TUB: variants seen among roughly 807,000 people sequenced by gnomAD.
The protein encoded by TUB is tubby protein homolog.
TUB carries 33 observed loss-of-function variants against 59.7 expected under a neutral mutation model. The ratio of observed to expected loss-of-function variants is 0.55; its 90% CI spans 0.42 to 0.74. The LOEUF is 0.74. Ranked by LOEUF, TUB falls within the 30% of genes least tolerant of loss-of-function variation. The pLI, the probability that TUB is intolerant of heterozygous loss-of-function variation, is 0.00. For synonymous variants in TUB, 293 were observed against 256.4 expected (o/e 1.14, Z -1.36); for missense variants, 659 against 672.0 (o/e 0.98, Z 0.21).
intron 1 of TUB, among the ~76,000 whole-genome samples, chr11:8,025,047 A>G (rs1443613121): frequency 6.6e-6 from 1 of 152,238 alleles, no homozygotes; most frequent in African/African-American, 2.4e-5. Flanking sequence ...CATTTACTGA[A>G]CACCTTCTAA....
intron 8 of TUB, 68 bp from the exon 9 acceptor site, chr11:8,098,690 A>C: frequency 8.1e-7 from 1 of 1,229,602 alleles, no homozygotes. Context: ...CATAGGACAG[A>C]CGATGAGCTG....
At chr11:8,090,468 C>T (rs1202391930) in intron 3 of TUB, among the ~76,000 whole-genome samples, 1 of 152,234 alleles carries the variant, frequency 6.6e-6, no homozygotes, top group Non-Finnish European at 1.5e-5. Flanking sequence ...GAAGCCTAAA[C>T]CTTTTATGAG....
intron 1 of TUB, among the ~76,000 whole-genome samples, chr11:8,084,390 T>G (rs1943627439): frequency 1.3e-5 from 2 of 152,240 alleles, no homozygotes. Flanking sequence ...TTTCTGTTAG[T>G]ACTAATAATT....
intron 1 of TUB, among the ~76,000 whole-genome samples, chr11:8,024,901 C>T (rs1468485576): frequency 6.6e-6 from 1 of 152,240 alleles, no homozygotes; most frequent in Non-Finnish European, 1.5e-5. Flanking sequence ...ATTTTGGGGT[C>T]AAAGTGACCT....
intron 1 of TUB, among the ~76,000 whole-genome samples, chr11:8,025,013 A>G (rs1358852935): frequency 6.6e-6 from 1 of 152,244 alleles, no homozygotes; most frequent in Non-Finnish European, 1.5e-5. Context: ...CTACGTCTTA[A>G]GGTGGGTCCA....
intron 1 of TUB, among the ~76,000 whole-genome samples, chr11:8,020,370 C>T (rs147242160): frequency 3.3e-4 from 51 of 152,276 alleles, no homozygotes; most frequent in African/African-American, 1.2e-3. Context: ...AAAAACCTCC[C>T]TGCATCTTCG....
At chr11:8,025,303 A>AG (rs1170986271) in intron 1 of TUB, among the ~76,000 whole-genome samples, 2 of 152,004 alleles carry the variant, frequency 1.3e-5, no homozygotes, top group African/African-American at 4.8e-5. Context: ...AACTCTGAGG[A>AG]GGGGGTATTT....
chr11:8,038,987 C>T lies in TUB; in HGVS notation c.114C>T (p.His38=), dbSNP rs1942694329. ...TGGGATCTCAGCATTCAAAGCAGCACAGGAAACCTGGGCCCCTGAAACGGG... is the reference window on the plus strand; with the variant it reads ...TGGGATCTCAGCATTCAAAGCAGCATAGGAAACCTGGGCCCCTGAAACGGG... The change falls in exon 1 of 13, where the codon CAC becomes CAT. Residue 38 remains histidine, a synonymous_variant. Transcript: ENST00000305253. The T allele has an allele frequency of 2.5e-6, 4 of 1,613,868 alleles. No individual in the cohort carries two copies. In the South Asian group the frequency reaches 3.3e-5, roughly 13 times the overall value.
At chr11:8,046,454 A>G (rs1942834751) in intron 2 of TUB, among the ~76,000 whole-genome samples, 2 of 152,024 alleles carry the variant, frequency 1.3e-5, no homozygotes, top group South Asian at 4.2e-4. Context: ...TCTCTCACCA[A>G]CCTGTCCCTC....
At chr11:8,095,351 A>G in intron 4 of TUB, 147 bp from the exon 5 acceptor site, 3 of 737,918 alleles carry the variant, frequency 4.1e-6, no homozygotes, top group Non-Finnish European at 6.5e-6. Flanking sequence ...GGCTGGTGCA[A>G]TCATTAGTTT....
At position 8,103,389 on chromosome 11, in the gene TUB, A is replaced by C. The variant is rs1944389612; in HGVS notation, c.*1770A>C. On this transcript the variant is annotated 3_prime_UTR_variant, in exon 12 of 12. Coordinates refer to ENST00000299506, the MANE Select transcript of TUB (RefSeq NM_177972.3). The stretch of plus-strand genomic sequence containing the variant: ...TAGATGTTTGGAAAAGCTAAGTAGA[A>C]ATTTTTTAAAATAGAAGTTGTATTT... The C allele has an allele frequency of 6.6e-6, 1 of 152,186 alleles. No homozygotes were observed. Among genetic ancestry groups the C allele is most frequent in the Non-Finnish European group, 1.5e-5 (1 of 68,042 alleles). The allele number at this position is 152,186 out of a possible 1,614,324, so 9.4% of individuals were successfully genotyped here.
intron 2 of TUB, 36 bp from the exon 3 acceptor site, chr11:8,090,033 G>C (rs374866181): frequency 1.9e-5 from 30 of 1,550,890 alleles, no homozygotes; most frequent in Non-Finnish European, 2.6e-5. Flanking sequence ...CTTCCTGGTG[G>C]AGGCAGTGGG....
intron 3 of TUB, among the ~76,000 whole-genome samples, chr11:8,092,252 G>A (rs1353878224): frequency 6.6e-6 from 1 of 152,108 alleles, no homozygotes; most frequent in Non-Finnish European, 1.5e-5. Flanking sequence ...GACTAGCCTG[G>A]GTAACATAGT....
At chr11:8,091,707 A>G (rs906561553) in intron 3 of TUB, among the ~76,000 whole-genome samples, 1 of 152,146 alleles carries the variant, frequency 6.6e-6, no homozygotes, top group Admixed American at 6.5e-5. Flanking sequence ...GCCTTCAGAA[A>G]AGGGGACCAG....
intron 1 of TUB, chr11:8,039,612 A>G (rs752372528): frequency 4.1e-6 from 6 of 1,467,882 alleles, no homozygotes; most frequent in Non-Finnish European, 5.4e-6. Context: ...GGCTGCAAGG[A>G]TGTGGAGAGT....
rs1054390209 is a variant in TUB at position 8,102,768 on chromosome 11, A to G, written c.*1149A>G. On this transcript the variant is annotated 3_prime_UTR_variant, in exon 12 of 12. Transcript: ENST00000299506. ...GGCAGGACCCTTAGGAATCTAGTAC[A>G]ACCTTGTTGCTTTAGGTGAGTCACA... 4 of 152,192 alleles carry G rather than the reference A, an allele frequency of 2.6e-5. No homozygotes were observed. The highest frequency in any genetic ancestry group is 7.2e-5 in the African/African-American group (3 of 41,438). The allele number at this position is 152,192 out of a possible 1,614,324, so 9.4% of individuals were successfully genotyped here. A position where few individuals can be genotyped will look rare whatever the true frequency, so the allele number is the denominator to read the frequency against.
rs1178010606 is a variant in TUB, at chr11:8,105,700, T to TA, written c.*4082dup. ...TTCCTTGCTTTCATCACTACCTTTA[T>TA]AGCTCTCATCACTACCTTTATAGCT... On this transcript the variant is annotated 3_prime_UTR_variant, in exon 12 of 12. Transcript: ENST00000299506. The TA allele has an allele frequency of 6.7e-6, 1 of 148,678 alleles. No homozygotes were observed. Among genetic ancestry groups the TA allele is most frequent in the African/African-American group, 2.6e-5 (1 of 38,336 alleles). The allele number at this position is 148,678 out of a possible 1,614,324, so 9.2% of individuals were successfully genotyped here. A position where few individuals can be genotyped will look rare whatever the true frequency, so the allele number is the denominator to read the frequency against.
At chr11:8,072,302 G>A (rs1328182860) in intron 2 of TUB, among the ~76,000 whole-genome samples, 1 of 152,096 alleles carries the variant, frequency 6.6e-6, no homozygotes, top group African/African-American at 2.4e-5. Flanking sequence ...GAGGGGGAAG[G>A]GACCCTCTCC....
At chr11:8,050,153 T>C (rs1047319426) in intron 2 of TUB, among the ~76,000 whole-genome samples, 11 of 152,250 alleles carry the variant, frequency 7.2e-5, no homozygotes, top group Non-Finnish European at 1.5e-4. Flanking sequence ...ATGTCAGGTA[T>C]GTAGTTATAC....
Sources: gnomAD v4.1 joint callset for allele counts (sites outside exome capture counted in the v4.1 genomes callset) on GRCh38, gnomAD v4.1.1 for gene constraint, MANE v1.5 for transcripts, NCBI Gene and HGNC (gene_info 2026-07-23, HGNC 2026-07-21) for gene names.